CELSR1: variants seen among roughly 807,000 people sequenced by gnomAD.
CELSR1 encodes cadherin EGF LAG seven-pass G-type receptor 1.
In CELSR1, 110 loss-of-function variants were observed where a neutral mutation model predicts 249.1. That is an observed-to-expected ratio of 0.44 (90% CI 0.38 to 0.52). CELSR1 has a LOEUF of 0.52. CELSR1 is among the 20% of genes least tolerant of loss of function. The pLI is 0.00. For missense variants in CELSR1, 4,109 were observed against 4,296.4 expected, an observed-to-expected ratio of 0.96 and a Z score of 1.22; for synonymous variants, 2,113 against 1,900.0, an observed-to-expected ratio of 1.11 and a Z score of -2.92.
At chr22:46,421,197 C>T (rs917440801) in intron 5 of CELSR1, among the ~76,000 whole-genome samples, 8 of 148,430 alleles carry the variant, frequency 5.4e-5, no homozygotes, top group Non-Finnish European at 1.0e-4. Context: ...ACCCTCCCTG[C>T]CGAGGTGCTG....
At chr22:46,403,175 TAA>T in intron 9 of CELSR1, among the ~76,000 whole-genome samples, 1 of 152,104 alleles carries the variant, frequency 6.6e-6, no homozygotes, top group Non-Finnish European at 1.5e-5. Context: ...CTAAGAGAAG[TAA>T]TAGATAAATC....
chr22:46,514,895 T>C (rs757660312), intron 1 of CELSR1, among the ~76,000 whole-genome samples: 17 of 152,098 alleles, frequency 1.1e-4, no homozygotes, highest in Admixed American at 7.2e-4. Context: ...CCCTCAGGCC[T>C]GGGGGATGAG....
intron 9 of CELSR1, among the ~76,000 whole-genome samples, chr22:46,403,986 A>G (rs1171027809): frequency 1.0e-4 from 15 of 150,680 alleles, no homozygotes; most frequent in South Asian, 4.4e-4. Flanking sequence ...AAAAAAAAAA[A>G]AAAAGAAAAA....
chr22:46,509,505 A>G (rs2080550612), intron 1 of CELSR1, among the ~76,000 whole-genome samples: 1 of 152,276 alleles, frequency 6.6e-6, no homozygotes, highest in Non-Finnish European at 1.5e-5. Context: ...GCCCACTTCC[A>G]TGGCAGTCAT....
rs146134997 is a variant in CELSR1, at chr22:46,423,777, G to A, written c.4611+9616C>T. Among the ~76,000 whole-genome samples, 3,373 of 151,834 alleles carry A rather than the reference G, an allele frequency of 0.022. 47 individuals carry two copies. Among genetic ancestry groups the A allele is most frequent in the Middle Eastern group, 0.034 (10 of 292 alleles). On this transcript the variant is annotated intron_variant, in intron 5 of 34. Coordinates refer to ENST00000674500, the MANE Select transcript of CELSR1 (RefSeq NM_001378328.1). The surrounding 1 kb of genome is among the most constrained non-coding windows in gnomAD (Gnocchi z 5.6). ...ACCTGAGGTCAGGAGTTCGAGACCA[G>A]CCTGGCCAACATGGTGAAATCCCAT...
intron 9 of CELSR1, among the ~76,000 whole-genome samples, chr22:46,403,831 G>A (rs1267071284): frequency 6.6e-6 from 1 of 151,480 alleles, no homozygotes; most frequent in African/African-American, 2.4e-5. Context: ...ACATTATCTG[G>A]ATGTGGTGGC....
In CELSR1 at chr22:46,381,734, T is replaced by C; in HGVS notation, c.7088+112A>G. The C allele has an allele frequency of 9.8e-7, 1 of 1,016,934 alleles. No individual in the cohort carries two copies. Among genetic ancestry groups the C allele is most frequent in the Non-Finnish European group, 1.4e-6 (1 of 708,554 alleles). The allele number at this position is 1,016,934 out of a possible 1,614,324, so 63.0% of individuals were successfully genotyped here. A position where few individuals can be genotyped will look rare whatever the true frequency, so the allele number is the denominator to read the frequency against. ...CTCTGTCTCTGGGCCAGGGTCACGG[T>C]GAAATGTCACTGTGAAGACCTGTGC... On this transcript the variant is annotated intron_variant, in intron 21 of 34. Coordinates refer to ENST00000674500, the MANE Select transcript of CELSR1 (RefSeq NM_001378328.1). This position sits in a 1 kb window ranked among gnomAD's most constrained non-coding sequence, Gnocchi z 6.0.
At chr22:46,523,010 A>G (rs1010761153) in intron 1 of CELSR1, among the ~76,000 whole-genome samples, 1 of 152,240 alleles carries the variant, frequency 6.6e-6, no homozygotes, top group African/African-American at 2.4e-5. Context: ...GAACAACTTC[A>G]TTCTGATGAT....
At chr22:46,444,411 C>G (rs970210435) in intron 2 of CELSR1, among the ~76,000 whole-genome samples, 2 of 152,190 alleles carry the variant, frequency 1.3e-5, no homozygotes, top group African/African-American at 4.8e-5. Context: ...GCTTGTCCTG[C>G]CCCCGAGGGG....
At chr22:46,421,116 A>G (rs1281471849) in intron 5 of CELSR1, among the ~76,000 whole-genome samples, 1 of 152,156 alleles carries the variant, frequency 6.6e-6, no homozygotes, top group Non-Finnish European at 1.5e-5. Context: ...AGCTAACATG[A>G]GGATCACGTG....
Position 46,361,838 on chromosome 22 carries a change from G to A in CELSR1, c.*1385C>T, listed in dbSNP as rs1299296928. On this transcript the variant is annotated 3_prime_UTR_variant, in exon 35 of 35. Coordinates refer to ENST00000674500, the MANE Select transcript of CELSR1 (RefSeq NM_001378328.1). The stretch of plus-strand genomic sequence containing the variant: ...ACCTGATTTGAAGAACAAAGGAAAC[G>A]CTAAAATCAAACATGTCTGACAGTT... The A allele has an allele frequency of 7.9e-5, 12 of 152,238 alleles. No individual in the cohort carries two copies. The highest frequency in any genetic ancestry group is 1.7e-4 in the African/African-American group (7 of 41,454). The allele number at this position is 152,238 out of a possible 1,614,324, so 9.4% of individuals were successfully genotyped here.
chr22:46,370,276 C>G (rs950029754), intron 25 of CELSR1: 1 of 381,612 alleles, frequency 2.6e-6, no homozygotes, highest in Non-Finnish European at 5.3e-6. Context: ...AACGCATATA[C>G]CCCCATACCA....
intron 1 of CELSR1, among the ~76,000 whole-genome samples, chr22:46,466,437 G>T (rs2080097378): frequency 2.6e-5 from 4 of 152,228 alleles, no homozygotes; most frequent in Non-Finnish European, 5.9e-5. Flanking sequence ...CCACACTAGA[G>T]AGGGCACATC....
chr22:46,403,274 C>T (rs1424356895), intron 9 of CELSR1, among the ~76,000 whole-genome samples: 5 of 151,946 alleles, frequency 3.3e-5, no homozygotes, highest in Non-Finnish European at 5.9e-5. Flanking sequence ...AATAGGCTGG[C>T]GCGGTGGCTT....
At position 46,394,840 on chromosome 22, in the gene CELSR1, C is replaced by T. The variant is rs943412649; in HGVS notation, c.5844-578G>A. ...CAGTCCTGCCTCCCTGAGCCTCCCC[C>T]GGCAGAGAGCAACAGACACTGAAGA... On this transcript the variant is annotated intron_variant, in intron 13 of 34. Transcript: ENST00000674500. 1.2e-4 allele frequency among the ~76,000 whole-genome samples: 18 copies of T among 152,328 alleles called. No individual in the cohort carries two copies. The South Asian group carries it at 2.3e-3, about 19-fold the overall frequency.
rs201698891 is a variant in CELSR1, at chr22:46,377,307, G to T, written c.7384-46C>A. ...GGCAGGAGAGAAGGTAAGGGCCGAG[G>T]CTCAGATCTGGTCATTGCATAACAG... On this transcript the variant is annotated intron_variant, in intron 23 of 34. Transcript: ENST00000674500. 3.2e-6 allele frequency: 5 copies of T among 1,576,910 alleles called. No individual in the cohort carries two copies. In the East Asian group the frequency reaches 1.1e-4, roughly 35 times the overall value.
chr22:46,456,411 G>A (rs1031369523), intron 2 of CELSR1, among the ~76,000 whole-genome samples: 1 of 152,114 alleles, frequency 6.6e-6, no homozygotes, highest in African/African-American at 2.4e-5. Context: ...TGTAATCCCA[G>A]CACTTTGGGA....
At chr22:46,487,540 G>A (rs563131188) in intron 1 of CELSR1, among the ~76,000 whole-genome samples, 1 of 92,526 alleles carries the variant, frequency 1.1e-5, no homozygotes, top group East Asian at 2.9e-4. Flanking sequence ...ACGGGGGAGG[G>A]GAGTCCACGG....
At chr22:46,477,316 C>G (rs1473629809) in intron 1 of CELSR1, among the ~76,000 whole-genome samples, 1 of 152,184 alleles carries the variant, frequency 6.6e-6, no homozygotes, top group African/African-American at 2.4e-5. Context: ...GATCAAACAC[C>G]TGGAGTTTAT....
Sources: gnomAD v4.1 joint callset for allele counts (sites outside exome capture counted in the v4.1 genomes callset) on GRCh38, gnomAD v4.1.1 for gene constraint, Gnocchi (gnomAD v3.1) non-coding constraint, MANE v1.5 for transcripts, NCBI Gene and HGNC (gene_info 2026-07-23, HGNC 2026-07-21) for gene names.